Variants in EFNA5 observed in about 807,000 individuals in gnomAD.
The protein encoded by EFNA5 is ephrin A5, also known as ephrin-A5.
A neutral mutation model predicts 22.9 loss-of-function variants in EFNA5; 5 were observed. The observed-to-expected ratio is 0.22, with a 90% CI of 0.11 to 0.46. The LOEUF (loss-of-function observed/expected upper bound fraction) is 0.46. Ranked by LOEUF, EFNA5 falls within the 20% of genes least tolerant of loss-of-function variation. EFNA5 has a pLI of 0.99. For missense variants in EFNA5, 237 were observed against 293.3 expected (o/e 0.81, Z 1.40); for synonymous variants, 113 against 112.2 (o/e 1.01, Z -0.04).
chr5:107,443,144 C>A (rs1485895737), intron 1 of EFNA5, among the ~76,000 whole-genome samples: 1 of 152,134 alleles, frequency 6.6e-6, no homozygotes, highest in Non-Finnish European at 1.5e-5. Context: ...AATCGACCAG[C>A]AACACAAATG....
chr5:107,387,090 A>G (rs1196859343), intron 4 of EFNA5, 145 bp downstream of exon 4: 8 of 531,148 alleles, frequency 1.5e-5, no homozygotes. Flanking sequence ...GGTAGAATAT[A>G]AGTCATATTA....
intron 1 of EFNA5, among the ~76,000 whole-genome samples, chr5:107,660,298 ATATATATATATATATATT>A (rs1750924508): frequency 1.0e-5 from 1 of 97,600 alleles, no homozygotes; most frequent in African/African-American, 3.6e-5. Flanking sequence ...ATATATATAT[ATATATATATATATATATT>A]TGGCAAGTGG....
intron 1 of EFNA5, among the ~76,000 whole-genome samples, chr5:107,619,564 G>A (rs573200824): frequency 1.8e-4 from 27 of 151,400 alleles, no homozygotes; most frequent in Middle Eastern, 3.4e-3. Context: ...CTGAGTTCAC[G>A]CGATTCTCCT....
At chr5:107,670,339 C>T in intron 1 of EFNA5, 150 bp downstream of exon 1, 1 of 1,060,626 alleles carries the variant, frequency 9.4e-7, no homozygotes, top group African/African-American at 1.7e-5. Flanking sequence ...GAGCGCTTCC[C>T]GCCGACGCCT....
chr5:107,578,240 C>G (rs1203766848), intron 1 of EFNA5, among the ~76,000 whole-genome samples: 1 of 152,126 alleles, frequency 6.6e-6, no homozygotes, highest in Non-Finnish European at 1.5e-5. Flanking sequence ...AAGCAAAGCA[C>G]CACGTAATTA....
intron 1 of EFNA5, among the ~76,000 whole-genome samples, chr5:107,550,474 A>C (rs962883057): frequency 2.0e-5 from 3 of 152,176 alleles, no homozygotes; most frequent in Non-Finnish European, 4.4e-5. Flanking sequence ...CATCACAGGC[A>C]AATTGTCTAA....
At chr5:107,594,542 T>G (rs1172860201) in intron 1 of EFNA5, among the ~76,000 whole-genome samples, 2 of 152,226 alleles carry the variant, frequency 1.3e-5, no homozygotes, top group Admixed American at 1.3e-4. Flanking sequence ...GCTCAGAGAT[T>G]CAACTTTTTT....
At chr5:107,649,710 T>C (rs1330096122) in intron 1 of EFNA5, among the ~76,000 whole-genome samples, 3 of 152,324 alleles carry the variant, frequency 2.0e-5, no homozygotes, top group Middle Eastern at 3.4e-3. Context: ...TTATATGGTA[T>C]TTTTATATAA....
intron 1 of EFNA5, among the ~76,000 whole-genome samples, chr5:107,617,237 C>CAG (rs35218587): frequency 0.031 from 4,460 of 144,438 alleles, 91 homozygotes; most frequent in Non-Finnish European, 0.041. Context: ...CACACACACA[C>CAG]AGAGAGAGAG....
At chr5:107,648,017 C>G (rs1444011182) in intron 1 of EFNA5, among the ~76,000 whole-genome samples, 3 of 152,136 alleles carry the variant, frequency 2.0e-5, no homozygotes, top group African/African-American at 7.2e-5. Context: ...TATTTCTATA[C>G]TTACCATCAT....
intron 1 of EFNA5, among the ~76,000 whole-genome samples, chr5:107,543,711 A>T (rs547980532): frequency 0.022 from 357 of 16,552 alleles, 1 homozygote; most frequent in Middle Eastern, 0.083. Context: ...GTATAATTTA[A>T]AAAAAAAACC....
At position 107,450,130 on chromosome 5, in the gene EFNA5, C is replaced by T. The variant is rs146920079; in HGVS notation, c.126-22621G>A. Among the ~76,000 whole-genome samples the T allele has an allele frequency of 5.3e-5, 8 of 152,102 alleles. No individual in the cohort carries two copies. In the South Asian group the frequency reaches 6.2e-4, roughly 12 times the overall value. On this transcript the variant is annotated intron_variant, in intron 1 of 4. Transcript: ENST00000333274. ...AAAGCCGTGAAATATTTATATGCCTCGACTTCCACATGAGAAGGAAGGAGG... is the reference window on the plus strand; with the variant it reads ...AAAGCCGTGAAATATTTATATGCCTTGACTTCCACATGAGAAGGAAGGAGG...
intron 2 of EFNA5, among the ~76,000 whole-genome samples, chr5:107,399,801 G>C (rs1482627500): frequency 1.3e-5 from 2 of 152,190 alleles, no homozygotes; most frequent in East Asian, 1.9e-4. Flanking sequence ...CAAAACCATA[G>C]AACGAGTATT....
chr5:107,427,325 G>C lies in EFNA5; in HGVS notation c.310C>G (p.Arg104Gly), dbSNP rs377722066. ...SKGFKRWECN[R>G]PHSPNGPLKF... is the part of the protein sequence containing the mutation. ...AGCGGTCCATTTGGAGAGTGAGGCC[G>C]GTTACATTCCCATCTCTTGAACCCT... The change falls in exon 2 of 5, where the codon CGG (arginine) becomes GGG (glycine). Residue 104 changes from arginine to glycine, a missense_variant. This residue lies in a region of EFNA5 where 120 missense variants were observed against 140.5 expected (regional missense o/e 0.85). Coordinates refer to ENST00000333274, the MANE Select transcript of EFNA5 (RefSeq NM_001962.3). The C allele has an allele frequency of 6.2e-7, 1 of 1,613,950 alleles. No individual in the cohort carries two copies. Among genetic ancestry groups the C allele is most frequent in the African/African-American group, 1.3e-5 (1 of 74,912 alleles).
At chr5:107,593,303 C>T (rs747026993) in intron 1 of EFNA5, among the ~76,000 whole-genome samples, 7 of 152,144 alleles carry the variant, frequency 4.6e-5, no homozygotes, top group South Asian at 2.1e-4. Context: ...AGCACAGGAC[C>T]GGACTTCAGT....
intron 1 of EFNA5, among the ~76,000 whole-genome samples, chr5:107,482,852 CTCTCTCTCTCTCTCTCTCTATATATATA>C (rs1561406363): frequency 4.4e-5 from 3 of 67,774 alleles, no homozygotes; most frequent in African/African-American, 6.5e-5. Flanking sequence ...CTCTCTCTCT[CTCTCTCTCTCTCTCTCTCTATATATATA>C]TATATATATA....
chr5:107,636,893 G>C (rs1208390036), intron 1 of EFNA5, among the ~76,000 whole-genome samples: 1 of 152,200 alleles, frequency 6.6e-6, no homozygotes, highest in East Asian at 1.9e-4. Context: ...AGCATGAAAA[G>C]TATTTAGTGT....
At chr5:107,625,478 T>C (rs942757816) in intron 1 of EFNA5, among the ~76,000 whole-genome samples, 2 of 152,132 alleles carry the variant, frequency 1.3e-5, no homozygotes, top group African/African-American at 4.8e-5. Context: ...ACAATTTATA[T>C]AAACTACAAA....
intron 1 of EFNA5, among the ~76,000 whole-genome samples, chr5:107,646,147 G>A (rs1561458912): frequency 6.6e-6 from 1 of 152,118 alleles, no homozygotes; most frequent in Non-Finnish European, 1.5e-5. Context: ...CTAAGGTATA[G>A]GAAAAGAGTA....
Sources: gnomAD v4.1 joint callset for allele counts (sites outside exome capture counted in the v4.1 genomes callset) on GRCh38, gnomAD v4.1.1 for gene constraint, gnomAD v4.1.1 regional missense constraint, MANE v1.5 for transcripts, NCBI Gene and HGNC (gene_info 2026-07-23, HGNC 2026-07-21) for gene names.